The following MYLK3 variants were observed in gnomAD, a reference collection of about 807,000 sequenced individuals.
The protein encoded by MYLK3 is myosin light chain kinase 3.
Under a neutral mutation model 76.3 loss-of-function variants are expected in MYLK3, and 55 were observed. The observed-to-expected ratio is 0.72, with a 90% confidence interval of 0.58 to 0.90. MYLK3 has a LOEUF of 0.90. MYLK3 is among the 40% of genes least tolerant of loss of function. The pLI is 0.00. For missense variants in MYLK3, 973 were observed against 1,053.6 expected, an observed-to-expected ratio of 0.92 and a Z score of 1.06; for synonymous variants, 416 against 425.4, an observed-to-expected ratio of 0.98 and a Z score of 0.27.
At chr16:46,718,613 G>A (rs1402072722) in intron 9 of MYLK3, among the ~76,000 whole-genome samples, 4 of 152,200 alleles carry the variant, frequency 2.6e-5, no homozygotes, top group Non-Finnish European at 4.4e-5. Flanking sequence ...CCTTCCACTC[G>A]TGGATGTGAT....
intron 1 of MYLK3, among the ~76,000 whole-genome samples, chr16:46,742,447 A>ACACACACAC (rs1555471290): frequency 0.038 from 4,979 of 130,964 alleles, 175 homozygotes; most frequent in East Asian, 0.12. Context: ...TCCCAGCAAA[A>ACACACACAC]ACACACACAC....
At chr16:46,750,069 G>T (rs992974445), upstream of MYLK3, among the ~76,000 whole-genome samples, 1 of 152,210 alleles carries the variant, frequency 6.6e-6, no homozygotes, top group African/African-American at 2.4e-5. Flanking sequence ...TCCCTCTGGG[G>T]ATTCACCGTG....
intron 1 of MYLK3, among the ~76,000 whole-genome samples, chr16:46,758,290 ACACACACACACACACTCTCTCTCTCTCT>A (rs1567294820): frequency 3.5e-5 from 2 of 57,040 alleles, no homozygotes; most frequent in African/African-American, 1.6e-4. Flanking sequence ...ACACACACAC[ACACACACACACACACTCTCTCTCTCTCT>A]CTCTCTCTCT....
chr16:46,740,999 T>G (rs1469162933), intron 1 of MYLK3, among the ~76,000 whole-genome samples: 1 of 152,138 alleles, frequency 6.6e-6, no homozygotes, highest in Non-Finnish European at 1.5e-5. Flanking sequence ...GGGAGCTGGG[T>G]TGGGGGATCC....
chr16:46,725,415 T>C (rs1451480243), intron 8 of MYLK3, among the ~76,000 whole-genome samples: 1 of 152,236 alleles, frequency 6.6e-6, no homozygotes, highest in Non-Finnish European at 1.5e-5. Context: ...AGCTGTGGGT[T>C]TTTCACAAAT....
chr16:46,730,566 C>A, intron 5 of MYLK3, 27 bp downstream of exon 5: 1 of 1,594,782 alleles, frequency 6.3e-7, no homozygotes, highest in South Asian at 1.1e-5. Context: ...GCTCTAAGCC[C>A]CCCAACCAAG....
intron 12 of MYLK3, among the ~76,000 whole-genome samples, chr16:46,709,151 G>A (rs1385059093): frequency 6.6e-6 from 1 of 152,204 alleles, no homozygotes; most frequent in Non-Finnish European, 1.5e-5. Flanking sequence ...GCTGGGTGCA[G>A]TGGCTCATGC....
At chr16:46,735,099 C>T (rs996154547) in intron 3 of MYLK3, among the ~76,000 whole-genome samples, 1 of 151,890 alleles carries the variant, frequency 6.6e-6, no homozygotes, top group African/African-American at 2.4e-5. Flanking sequence ...CGAGATGGCA[C>T]CACTGCACTC....
intron 9 of MYLK3, among the ~76,000 whole-genome samples, chr16:46,714,617 G>A (rs1008880701): frequency 1.3e-5 from 2 of 152,186 alleles, no homozygotes; most frequent in African/African-American, 4.8e-5. Context: ...ACTCTCCCCA[G>A]TTGCATTACT....
Position 46,710,716 on chromosome 16 carries a change from C to A in MYLK3, c.2188G>T (p.Asp730Tyr). 6.2e-7 allele frequency: 1 copy of A among 1,614,038 alleles called. No individual in the cohort carries two copies. Among genetic ancestry groups the A allele is most frequent in the Middle Eastern group, 1.6e-4 (1 of 6,084 alleles). Residue 730 changes from aspartate to tyrosine, a missense_variant, in exon 11 of 13, where the codon GAT becomes TAT. Physicochemically the swap from Asp to Tyr is radical, Grantham distance 160. Coordinates refer to ENST00000394809, the MANE Select transcript of MYLK3 (RefSeq NM_182493.3). ...TMNFIVNCSWDFDADTFEGLS... is the reference protein window; with the variant it reads ...TMNFIVNCSWYFDADTFEGLS... ...CCTTCAAAGGTGTCAGCATCAAAAT[C>A]CCAGCTACAGTTTACAATGAAATTC...
At chr16:46,749,577 C>A (rs147729293), upstream of MYLK3, among the ~76,000 whole-genome samples, 1 of 152,116 alleles carries the variant, frequency 6.6e-6, no homozygotes, top group South Asian at 2.1e-4. Context: ...GGCAACATGG[C>A]GAGACCTGGT....
In MYLK3 at chr16:46,706,642, A is replaced by G. The variant is rs1446882804; in HGVS notation, c.*1062T>C. The stretch of plus-strand genomic sequence containing the variant: ...AGTAAGCTAGAGAAAAGTTACTAAA[A>G]TCATAAGGAGGAAAACATATGTTTA... On this transcript the variant is annotated 3_prime_UTR_variant, in exon 13 of 13. Coordinates refer to ENST00000394809, the MANE Select transcript of MYLK3 (RefSeq NM_182493.3). 6.6e-6 allele frequency: 1 copy of G among 152,202 alleles called. No homozygotes were observed. 9.4% of individuals were successfully genotyped at this position (152,202 alleles called of 1,614,324 possible). A position where few individuals can be genotyped will look rare whatever the true frequency, so the allele number is the denominator to read the frequency against.
At chr16:46,718,014 TG>T (rs1162580308) in intron 9 of MYLK3, among the ~76,000 whole-genome samples, 3 of 152,154 alleles carry the variant, frequency 2.0e-5, no homozygotes, top group African/African-American at 7.2e-5. Context: ...TATTGCCCCA[TG>T]GGGGACAAAC....
chr16:46,750,788 G>A (rs1464512433), upstream of MYLK3, among the ~76,000 whole-genome samples: 4 of 151,672 alleles, frequency 2.6e-5, no homozygotes, highest in African/African-American at 9.7e-5. Context: ...TCAGGATTTC[G>A]AGACCAGCCT....
In MYLK3 at chr16:46,741,030, G is replaced by A. The variant is rs577231277; in HGVS notation, c.478-883C>T. On this transcript the variant is annotated intron_variant, in intron 1 of 12. Coordinates refer to ENST00000394809, the MANE Select transcript of MYLK3 (RefSeq NM_182493.3). ...GATCCCATGGTCACCTCTTTACAGT[G>A]TAGCAGTGTAGCCAGGGGCATGGAC... Among the ~76,000 whole-genome samples, 164 of 152,324 alleles carry A rather than the reference G, an allele frequency of 1.1e-3. 3 individuals carry two copies. The South Asian group carries it at 0.031, about 29-fold the overall frequency.
intron 8 of MYLK3, among the ~76,000 whole-genome samples, chr16:46,725,237 GAC>G (rs1966837874): frequency 6.6e-6 from 1 of 152,138 alleles, no homozygotes; most frequent in African/African-American, 2.4e-5. Flanking sequence ...TGCAAATAGA[GAC>G]AGTTTTACTT....
intron 1 of MYLK3, among the ~76,000 whole-genome samples, chr16:46,758,882 G>C (rs898511936): frequency 6.6e-6 from 1 of 152,198 alleles, no homozygotes; most frequent in Non-Finnish European, 1.5e-5. Flanking sequence ...GATGGGGAGA[G>C]GGCCGAGGGG....
intron 4 of MYLK3, among the ~76,000 whole-genome samples, chr16:46,731,161 C>G (rs999244339): frequency 5.9e-5 from 9 of 152,232 alleles, no homozygotes; most frequent in African/African-American, 1.9e-4. Flanking sequence ...CTCTCACCCT[C>G]CATCTCCTGC....
chr16:46,750,686 G>A (rs946517225), upstream of MYLK3, among the ~76,000 whole-genome samples: 2 of 151,674 alleles, frequency 1.3e-5, no homozygotes, highest in Non-Finnish European at 2.9e-5. Flanking sequence ...GAGCAAGACT[G>A]TGTCTCAAAA....
Sources: allele counts gnomAD v4.1 joint callset (sites outside exome capture counted in the v4.1 genomes callset), GRCh38; gene constraint gnomAD v4.1.1; transcripts MANE v1.5; gene names NCBI Gene and HGNC (gene_info 2026-07-23, HGNC 2026-07-21).